HMCN1: variants seen among roughly 807,000 people sequenced by gnomAD.
HMCN1 encodes hemicentin 1.
HMCN1 carries 321 observed loss-of-function variants against 625.9 expected under a neutral mutation model. The observed-to-expected ratio is 0.51, with a 90% CI of 0.47 to 0.56. HMCN1 has a LOEUF of 0.56. HMCN1 is among the 20% of genes least tolerant of loss of function. HMCN1 has a pLI of 0.00. For missense variants in HMCN1, 6,588 were observed against 6,887.3 expected (o/e 0.96, Z 1.54); for synonymous variants, 2,425 against 2,417.6 (o/e 1.00, Z -0.09).
chr1:186,039,639 A>C (rs1178293395), intron 38 of HMCN1, 89 bp from the exon 39 acceptor site: 1 of 1,362,370 alleles, frequency 7.3e-7, no homozygotes, highest in Non-Finnish European at 1.1e-6. Context: ...ATAAGAACAT[A>C]ATATTGTAGA....
intron 25 of HMCN1, among the ~76,000 whole-genome samples, chr1:185,997,965 C>T (rs193194213): frequency 1.7e-3 from 265 of 152,212 alleles, no homozygotes; most frequent in Admixed American, 2.4e-3. Flanking sequence ...AATCTACTCT[C>T]AACTGGTAAT....
intron 12 of HMCN1, 137 bp from the exon 13 acceptor site, chr1:185,963,631 G>C: frequency 1.5e-6 from 1 of 656,214 alleles, no homozygotes; most frequent in Non-Finnish European, 2.7e-6. Flanking sequence ...AAATAATGAT[G>C]GTAACCATTT....
At position 185,965,690 on chromosome 1, in the gene HMCN1, T is replaced by C. The variant is rs1275194227; in HGVS notation, c.2099-112T>C. 8 of 736,580 alleles carry C rather than the reference T, an allele frequency of 1.1e-5. No homozygotes were observed. The East Asian group carries it at 1.6e-4, about 14-fold the overall frequency. 45.6% of individuals were successfully genotyped at this position (736,580 alleles called of 1,614,324 possible). A position where few individuals can be genotyped will look rare whatever the true frequency, so the allele number is the denominator to read the frequency against. On this transcript the variant is annotated intron_variant, in intron 13 of 106. Coordinates refer to ENST00000271588, the MANE Select transcript of HMCN1 (RefSeq NM_031935.3). ...AAGAGTTTCTTTCGGTTTATAAATA[T>C]TGAAATGGCCACAAGCACATAAATT...
intron 41 of HMCN1, among the ~76,000 whole-genome samples, chr1:186,048,045 TATTAA>T (rs1420214156): frequency 6.6e-6 from 1 of 152,180 alleles, no homozygotes; most frequent in African/African-American, 2.4e-5. Context: ...AAATATTATT[TATTAA>T]ATTCTTTTTT....
At chr1:185,981,494 T>C (rs1206228650) in intron 17 of HMCN1, among the ~76,000 whole-genome samples, 1 of 152,176 alleles carries the variant, frequency 6.6e-6, no homozygotes, top group Non-Finnish European at 1.5e-5. Flanking sequence ...TTGAATATTC[T>C]CTTCCCACTG....
chr1:185,815,075 G>T (rs1484798460), intron 1 of HMCN1, among the ~76,000 whole-genome samples: 1 of 150,212 alleles, frequency 6.7e-6, no homozygotes, highest in Non-Finnish European at 1.5e-5. Flanking sequence ...AACAATGTCC[G>T]GTTAGACAAG....
intron 1 of HMCN1, among the ~76,000 whole-genome samples, chr1:185,798,259 G>T (rs1179669192): frequency 6.6e-6 from 1 of 152,132 alleles, no homozygotes; most frequent in African/African-American, 2.4e-5. Flanking sequence ...TAAAGTGTCT[G>T]CTTAGAAGTC....
chr1:186,057,549 T>C lies in HMCN1; in HGVS notation c.7312+148T>C, dbSNP rs529843051. 2.4e-4 allele frequency: 155 copies of C among 633,422 alleles called. 1 individual carries two copies. In the East Asian group the frequency reaches 4.2e-3, roughly 17 times the overall value. The allele number at this position is 633,422 out of a possible 1,614,324, so 39.2% of individuals were successfully genotyped here. On this transcript the variant is annotated intron_variant, in intron 46 of 106. Transcript: ENST00000271588. ...TCACTAATCATATTAAGAAAAAATATTTAAAAGGATGTAAGAAACTATATG... is the reference window on the plus strand; with the variant it reads ...TCACTAATCATATTAAGAAAAAATACTTAAAAGGATGTAAGAAACTATATG...
intron 97 of HMCN1, among the ~76,000 whole-genome samples, chr1:186,156,843 T>C (rs1382223623): frequency 6.6e-6 from 1 of 152,222 alleles, no homozygotes; most frequent in Non-Finnish European, 1.5e-5. Context: ...AAATATTTGT[T>C]GAGTGCCTAC....
chr1:185,744,701 T>C (rs185007235), intron 1 of HMCN1, among the ~76,000 whole-genome samples: 9 of 152,270 alleles, frequency 5.9e-5, no homozygotes, highest in Non-Finnish European at 1.3e-4. Flanking sequence ...ATTAAGATGG[T>C]GGTGGTCAGC....
intron 11 of HMCN1, among the ~76,000 whole-genome samples, chr1:185,955,096 A>T (rs12088513): frequency 0.04 from 6,115 of 152,164 alleles, 275 homozygotes; most frequent in African/African-American, 0.11. Flanking sequence ...AGCCACTGAC[A>T]CCATGCTCAT....
chr1:185,988,069 A>C lies in HMCN1; in HGVS notation c.3048+525A>C, dbSNP rs549167769. Among the ~76,000 whole-genome samples, 20 of 152,302 alleles carry C rather than the reference A, an allele frequency of 1.3e-4. 1 individual carries two copies. Among genetic ancestry groups the C allele is most frequent in the Admixed American group, 4.6e-4 (7 of 15,306 alleles). ...GGACGTGTTCACTGTAATGTTGCTAATACCATTCAAGTCTCAAGTAGGTGA... is the reference window on the plus strand; with the variant it reads ...GGACGTGTTCACTGTAATGTTGCTACTACCATTCAAGTCTCAAGTAGGTGA... On this transcript the variant is annotated intron_variant, in intron 20 of 106. Transcript: ENST00000271588.
chr1:186,010,694 C>T (rs959702861), intron 30 of HMCN1, among the ~76,000 whole-genome samples: 1 of 152,114 alleles, frequency 6.6e-6, no homozygotes, highest in Non-Finnish European at 1.5e-5. Flanking sequence ...GAGTAAAATG[C>T]TCTTTCTTAG....
intron 4 of HMCN1, among the ~76,000 whole-genome samples, chr1:185,896,857 A>G (rs978346111): frequency 6.6e-5 from 10 of 152,224 alleles, no homozygotes; most frequent in African/African-American, 2.4e-4. Context: ...TCTTCTCAAT[A>G]GTTTTTAAAA....
intron 1 of HMCN1, among the ~76,000 whole-genome samples, chr1:185,801,156 AAGT>A (rs1289695687): frequency 6.6e-6 from 1 of 152,218 alleles, no homozygotes; most frequent in Non-Finnish European, 1.5e-5. Context: ...GAAAGAAAAA[AAGT>A]ATATAATGCT....
chr1:185,819,224 C>T (rs1016090522), intron 1 of HMCN1, among the ~76,000 whole-genome samples: 6 of 143,658 alleles, frequency 4.2e-5, no homozygotes, highest in South Asian at 2.1e-4. Flanking sequence ...GCAACAAGAG[C>T]GAATCTCCAT....
intron 40 of HMCN1, among the ~76,000 whole-genome samples, chr1:186,042,436 C>G (rs1385341473): frequency 6.6e-6 from 1 of 152,098 alleles, no homozygotes; most frequent in East Asian, 1.9e-4. Context: ...TTAGTCACCA[C>G]AGAAATCTGA....
In HMCN1 at chr1:186,081,297, G is replaced by C. The variant is rs756389647; in HGVS notation, c.8690G>C (p.Ser2897Thr). 6.2e-7 allele frequency: 1 copy of C among 1,613,622 alleles called. No homozygotes were observed. The highest frequency in any genetic ancestry group is 8.5e-7 in the Non-Finnish European group (1 of 1,179,622). ...NKSALIECLS[S>T]GSPAPRNSWQ... is the part of the protein sequence containing the mutation. ...AGTGCACTGATAGAGTGTTTATCCA[G>C]TGGCAGCCCAGCACCAAGGAATTCC... is the stretch of plus-strand genomic sequence containing the variant. The change falls in exon 56 of 107, where the codon AGT becomes ACT. Residue 2897 changes from serine to threonine, a missense_variant. By Grantham distance (58) the Ser-to-Thr change is moderately conservative. Transcript: ENST00000271588.
chr1:186,184,646 T>C (rs1653165654), intron 105 of HMCN1, among the ~76,000 whole-genome samples: 1 of 146,968 alleles, frequency 6.8e-6, no homozygotes. Context: ...CAATGCATAA[T>C]GTTTATCAAG....
Sources: gnomAD v4.1 joint callset for allele counts (sites outside exome capture counted in the v4.1 genomes callset) on GRCh38, gnomAD v4.1.1 for gene constraint, MANE v1.5 for transcripts, NCBI Gene and HGNC (gene_info 2026-07-23, HGNC 2026-07-21) for gene names.